The following WIZ variants were observed in gnomAD, a reference collection of about 807,000 sequenced individuals.
WIZ encodes WIZ zinc finger.
In WIZ, 25 loss-of-function variants were observed where a neutral mutation model predicts 140.2. The observed-to-expected ratio is 0.18, with a 90% CI of 0.13 to 0.25. The LOEUF (loss-of-function observed/expected upper bound fraction) is 0.25. Ranked by LOEUF, WIZ falls within the 10% of genes least tolerant of loss-of-function variation. The pLI is 1.00. For missense variants in WIZ, 2,231 were observed against 2,632.6 expected, an observed-to-expected ratio of 0.85 and a Z score of 3.34; for synonymous variants, 1,125 against 1,154.3, an observed-to-expected ratio of 0.97 and a Z score of 0.51.
rs557138190 is a variant in WIZ, at chr19:15,420,691, G to A, written c.*2385C>T. 2 of 152,306 alleles carry A rather than the reference G, an allele frequency of 1.3e-5. No individual in the cohort carries two copies. Among genetic ancestry groups the A allele is most frequent in the African/African-American group, 2.4e-5 (1 of 41,546 alleles). The allele number at this position is 152,306 out of a possible 1,614,324, so 9.4% of individuals were successfully genotyped here. ...AAAACATCCCCCTGCAAGAACTGGA[G>A]GTGACTCTTCCAAGGACACACATGA... is the stretch of plus-strand genomic sequence containing the variant. On this transcript the variant is annotated 3_prime_UTR_variant, in exon 13 of 13. Transcript: ENST00000673675.
Position 15,439,149 on chromosome 19 carries a change from T to G in WIZ, c.1845A>C (p.Glu615Asp), listed in dbSNP as rs762289083. Residue 615 changes from glutamate to aspartate, a missense_variant, in exon 4 of 13, where the codon GAA becomes GAC. Around this residue, in one of 15 missense-constraint regions of WIZ, gnomAD observed 475 missense variants for 520.2 expected, o/e 0.91. Transcript: ENST00000673675. This position sits in a 1 kb window ranked among gnomAD's most constrained non-coding sequence, Gnocchi z 7.0. The stretch of plus-strand genomic sequence containing the variant: ...CCTCCTCCTCCTCCTCCTCCTCCTC[T>G]TCGCTCCAAGGGCGCCTCCGTTCCC... ...GLGERRRPWS[E>D]EEEEEEEEED... 1.3e-6 allele frequency: 2 copies of G among 1,525,100 alleles called. No homozygotes were observed. Among genetic ancestry groups the G allele is most frequent in the Non-Finnish European group, 1.8e-6 (2 of 1,140,906 alleles). 94.5% of individuals were successfully genotyped at this position (1,525,100 alleles called of 1,614,324 possible).
Position 15,440,114 on chromosome 19 carries a change from G to A in WIZ, c.880C>T (p.Leu294=). The part of the protein sequence containing the change: ...IRTGPYLCEL[L]EEVAEGVASP... The stretch of plus-strand genomic sequence containing the variant: ...GCCACCCCTTCGGCCACCTCCTCCA[G>A]CAGCTCACACAGGTAGGGCCCGGTC... Residue 294 remains leucine, a synonymous_variant, in exon 4 of 13, where the codon CTG becomes TTG. Coordinates refer to ENST00000673675, the MANE Select transcript of WIZ (RefSeq NM_001371589.1). The surrounding 1 kb of genome is among the most constrained non-coding windows in gnomAD (Gnocchi z 6.2). 1 of 1,534,302 alleles carries A rather than the reference G, an allele frequency of 6.5e-7. No homozygotes were observed. The highest frequency in any genetic ancestry group is 8.7e-7 in the Non-Finnish European group (1 of 1,145,992).
rs762858631 is a variant in WIZ at position 15,424,821 on chromosome 19, C to T, written c.5106G>A (p.Lys1702=). The T allele has an allele frequency of 6.2e-7, 1 of 1,609,328 alleles. No individual in the cohort carries two copies. Among genetic ancestry groups the T allele is most frequent in the Non-Finnish European group, 8.5e-7 (1 of 1,178,680 alleles). ...SYIQGGRPFT[K]KFRSAGHGRD... ...GGCCATGGCCGGCACTGCGGAACTT[C>T]TTGGTGAAGGGGCGGCCGCCCTGGA... The change falls in exon 11 of 13, where the codon AAG becomes AAA. Residue 1702 remains lysine, a synonymous_variant. Transcript: ENST00000673675. This position sits in a 1 kb window ranked among gnomAD's most constrained non-coding sequence, Gnocchi z 9.7.
Position 15,424,520 on chromosome 19 carries a change from G to A in WIZ, c.5314+93C>T. ...TGAATGGGTAAGCAACTGGAGAAAG[G>A]ACTTAAGGGCCACAGCAGAGCGCCT... On this transcript the variant is annotated intron_variant, in intron 11 of 12. Transcript: ENST00000673675. This position sits in a 1 kb window ranked among gnomAD's most constrained non-coding sequence, Gnocchi z 9.7. 7 of 1,531,048 alleles carry A rather than the reference G, an allele frequency of 4.6e-6. No homozygotes were observed. The highest frequency in any genetic ancestry group is 6.1e-6 in the Non-Finnish European group (7 of 1,141,494). The allele number at this position is 1,531,048 out of a possible 1,614,324, so 94.8% of individuals were successfully genotyped here.
intron 9 of WIZ, 74 bp from the exon 10 acceptor site, chr19:15,425,842 AGGAGGAGGGAGGAGGGAGG>A: frequency 1.0e-4 from 1 of 9,574 alleles, no homozygotes; most frequent in Non-Finnish European, 1.7e-4. Context: ...AGGAGGGAGG[AGGAGGAGGGAGGAGGGAGG>A]AGGAGGAGGA....
rs753886544 is a variant in WIZ at position 15,439,569 on chromosome 19, G to A, written c.1425C>T (p.Ser475=). The A allele has an allele frequency of 1.1e-5, 17 of 1,494,202 alleles. No homozygotes were observed. The highest frequency in any genetic ancestry group is 1.7e-4 in the Middle Eastern group (1 of 5,782). The allele number at this position is 1,494,202 out of a possible 1,614,324, so 92.6% of individuals were successfully genotyped here. A position where few individuals can be genotyped will look rare whatever the true frequency, so the allele number is the denominator to read the frequency against. ...ACVFCGFPAP[S]ESLLREHVRL... Reference sequence around the variant, plus strand: ...TCACGTGCTCCCTGAGCAGGCTCTCGCTGGGCGCGGGGAAACCACAGAAGA... The same window carrying A: ...TCACGTGCTCCCTGAGCAGGCTCTCACTGGGCGCGGGGAAACCACAGAAGA... The change falls in exon 4 of 13, where the codon AGC becomes AGT. Residue 475 remains serine (S), a synonymous_variant. Transcript: ENST00000673675. The surrounding 1 kb of genome is among the most constrained non-coding windows in gnomAD (Gnocchi z 7.0).
At position 15,424,036 on chromosome 19, in the gene WIZ, T is replaced by C; in HGVS notation, c.5510+147A>G. 1.5e-6 allele frequency: 1 copy of C among 682,722 alleles called. No individual in the cohort carries two copies. The highest frequency in any genetic ancestry group is 2.3e-6 in the Non-Finnish European group (1 of 444,206). The allele number at this position is 682,722 out of a possible 1,614,324, so 42.3% of individuals were successfully genotyped here. ...CTCGCAGGCTACAAAGCTCAGGGTG[T>C]CAGCCTTTAGCCTGAGCCCCACCAC... On this transcript the variant is annotated intron_variant, in intron 12 of 12. Transcript: ENST00000673675. The surrounding 1 kb of genome is among the most constrained non-coding windows in gnomAD (Gnocchi z 9.7).
chr19:15,440,471 C>T lies in WIZ; in HGVS notation c.523G>A (p.Glu175Lys), dbSNP rs1181404703. Residue 175 changes from glutamate (E) to lysine (K), a missense_variant, in exon 4 of 13, where the codon GAG becomes AAG. Transcript: ENST00000673675. This position sits in a 1 kb window ranked among gnomAD's most constrained non-coding sequence, Gnocchi z 6.2. ...CTGGGGCGGCCCTGGGCATGTTTCTCCAAAAGCCTTGGTTCCCCCCGGTGG... is the reference window on the plus strand; with the variant it reads ...CTGGGGCGGCCCTGGGCATGTTTCTTCAAAAGCCTTGGTTCCCCCCGGTGG... ...LHHRGEPRLL[E>K]KHAQGRPRFD... 3 of 1,535,998 alleles carry T rather than the reference C, an allele frequency of 2.0e-6. No individual in the cohort carries two copies. The highest frequency in any genetic ancestry group is 1.2e-5 in the South Asian group (1 of 84,066).
Position 15,424,566 on chromosome 19 carries a change from T to G in WIZ, c.5314+47A>C, listed in dbSNP as rs773265966. ...CGCCTGGGGAGTGGCTGGGTGGGCC[T>G]GACAGGTGCCCGCTGCGCTCCCGAC... is the stretch of plus-strand genomic sequence containing the variant. On this transcript the variant is annotated intron_variant, in intron 11 of 12. Coordinates refer to ENST00000673675, the MANE Select transcript of WIZ (RefSeq NM_001371589.1). This position sits in a 1 kb window ranked among gnomAD's most constrained non-coding sequence, Gnocchi z 9.7. 1 of 1,546,080 alleles carries G rather than the reference T, an allele frequency of 6.5e-7. No individual in the cohort carries two copies. Among genetic ancestry groups the G allele is most frequent in the Non-Finnish European group, 8.7e-7 (1 of 1,152,734 alleles).
At chr19:15,448,652 C>A (rs190923942) in intron 1 of WIZ, among the ~76,000 whole-genome samples, 1 of 152,190 alleles carries the variant, frequency 6.6e-6, no homozygotes, top group African/African-American at 2.4e-5. Context: ...GCCACCTGGT[C>A]TTCTTCCATC....
Position 15,440,953 on chromosome 19 carries a change from G to A in WIZ, c.279-238C>T, listed in dbSNP as rs945537160. On this transcript the variant is annotated intron_variant, in intron 3 of 12. Coordinates refer to ENST00000673675, the MANE Select transcript of WIZ (RefSeq NM_001371589.1). The surrounding 1 kb of genome is among the most constrained non-coding windows in gnomAD (Gnocchi z 6.2). ...GCACCTGTCCACAAAGCCTAGCCCC[G>A]CTGCATTGTGGGGGAATGTACGGAG... Among the ~76,000 whole-genome samples the A allele has an allele frequency of 5.3e-5, 8 of 152,112 alleles. No individual in the cohort carries two copies. The highest frequency in any genetic ancestry group is 2.1e-4 in the South Asian group (1 of 4,820).
At chr19:15,441,662 G>A (rs112156575) in intron 3 of WIZ, among the ~76,000 whole-genome samples, 33 of 152,174 alleles carry the variant, frequency 2.2e-4, no homozygotes, top group Middle Eastern at 3.4e-3. Flanking sequence ...TGCCAATCAC[G>A]CTTATGGAAC....
Position 15,440,146 on chromosome 19 carries a change from G to T in WIZ, c.848C>A (p.Pro283Gln), listed in dbSNP as rs933857838. The stretch of plus-strand genomic sequence containing the variant: ...ACACAGGTAGGGCCCGGTCCGGATC[G>T]GGGGCAGTAGCGGCTGCAGCCGCTC... ...SVERLQPLLP[P>Q]IRTGPYLCEL... is the part of the protein sequence containing the mutation. The change falls in exon 4 of 13, where the codon CCG becomes CAG. Residue 283 changes from proline (P) to glutamine (Q), a missense_variant. By Grantham distance (76) the Pro-to-Gln change is moderately conservative (BLOSUM62 -1). This residue lies in a region of WIZ where 307 missense variants were observed against 294.1 expected (regional missense o/e 1.04). Transcript: ENST00000673675. The surrounding 1 kb of genome is among the most constrained non-coding windows in gnomAD (Gnocchi z 6.2). 1 of 1,532,404 alleles carries T rather than the reference G, an allele frequency of 6.5e-7. No homozygotes were observed. The allele number at this position is 1,532,404 out of a possible 1,614,324, so 94.9% of individuals were successfully genotyped here. A position where few individuals can be genotyped will look rare whatever the true frequency, so the allele number is the denominator to read the frequency against.
In WIZ at chr19:15,448,288, C is replaced by T. The variant is rs1364148206; in HGVS notation, c.20G>A (p.Gly7Asp). The change falls in exon 2 of 13, where the codon GGC (glycine) becomes GAC (aspartate). Residue 7 changes from glycine to aspartate, a missense_variant. Gly to Asp is a moderately conservative substitution (Grantham distance 94, BLOSUM62 -1). Coordinates refer to ENST00000673675, the MANE Select transcript of WIZ (RefSeq NM_001371589.1). MEGSLA[G>D]SLAAPDRPQG... ...GGGACGATCTGGTGCAGCCAGGCTG[C>T]CTGCCAGAGACCCCTCCATCGGATT... The T allele has an allele frequency of 2.5e-6, 4 of 1,612,680 alleles. No individual in the cohort carries two copies. Among genetic ancestry groups the T allele is most frequent in the African/African-American group, 2.7e-5 (2 of 74,904 alleles).
Position 15,448,163 on chromosome 19 carries a change from A to G in WIZ, c.145T>C (p.Tyr49His), listed in dbSNP as rs1969984375. 2 of 1,613,030 alleles carry G rather than the reference A, an allele frequency of 1.2e-6. No homozygotes were observed. Among genetic ancestry groups the G allele is most frequent in the South Asian group, 1.1e-5 (1 of 91,050 alleles). The change falls in exon 2 of 13, where the codon TAC (tyrosine) becomes CAC (histidine). Residue 49 changes from tyrosine to histidine, a missense_variant. Tyr to His is a moderately conservative substitution (Grantham distance 83). Around this residue, in one of 15 missense-constraint regions of WIZ, gnomAD observed 85 missense variants for 90.9 expected, o/e 0.94. Coordinates refer to ENST00000673675, the MANE Select transcript of WIZ (RefSeq NM_001371589.1). ...GGGCCCTCCTTGGTGACAGGCAGGT[A>G]ACGGGTGGACCGGAAGATGCCACCT... Reference protein sequence around the residue: ...GEGGIFRSTRYLPVTKEGPRD... With the variant: ...GEGGIFRSTRHLPVTKEGPRD...
intron 9 of WIZ, among the ~76,000 whole-genome samples, chr19:15,426,682 T>C (rs1968844742): frequency 6.6e-6 from 1 of 152,234 alleles, no homozygotes; most frequent in Non-Finnish European, 1.5e-5. Flanking sequence ...ATCCCCGCAG[T>C]CTTTCTCCCT....
At position 15,421,158 on chromosome 19, in the gene WIZ, GAA is replaced by G. The variant is rs925910708; in HGVS notation, c.*1916_*1917del. On this transcript the variant is annotated 3_prime_UTR_variant, in exon 13 of 13. Transcript: ENST00000673675. Reference sequence around the variant, plus strand: ...AATAAAAACTGACTTATGAAAAGTTGAAAGAGGAAGAAACACCTTTGAGTCAG... The same window carrying G: ...AATAAAAACTGACTTATGAAAAGTTGAGAGGAAGAAACACCTTTGAGTCAG... 2.0e-5 allele frequency: 3 copies of G among 152,374 alleles called. No individual in the cohort carries two copies. Among genetic ancestry groups the G allele is most frequent in the African/African-American group, 7.2e-5 (3 of 41,590 alleles). 9.4% of individuals were successfully genotyped at this position (152,374 alleles called of 1,614,324 possible). A position where few individuals can be genotyped will look rare whatever the true frequency, so the allele number is the denominator to read the frequency against.
At position 15,440,276 on chromosome 19, in the gene WIZ, G is replaced by C. The variant is rs1240005611; in HGVS notation, c.718C>G (p.Leu240Val). 1 of 1,491,098 alleles carries C rather than the reference G, an allele frequency of 6.7e-7. No individual in the cohort carries two copies. The highest frequency in any genetic ancestry group is 2.5e-5 in the East Asian group (1 of 40,568). 92.4% of individuals were successfully genotyped at this position (1,491,098 alleles called of 1,614,324 possible). The change falls in exon 4 of 13, where the codon CTG (leucine) becomes GTG (valine). Residue 240 changes from leucine to valine, a missense_variant. Physicochemically the swap from Leu to Val is conservative, Grantham distance 32 (BLOSUM62 1). Coordinates refer to ENST00000673675, the MANE Select transcript of WIZ (RefSeq NM_001371589.1). The surrounding 1 kb of genome is among the most constrained non-coding windows in gnomAD (Gnocchi z 6.2). ...TGGGCCAGCCCCTCCAGGTCCTCCA[G>C]ATCTTCTCTGCCACCCACCACCGCC... The part of the protein sequence containing the change: ...DMAVVGGRED[L>V]EDLEGLAQPS...
At position 15,429,563 on chromosome 19, in the gene WIZ, C is replaced by T. The variant is rs569585752; in HGVS notation, c.3415+23G>A. 1.3e-4 allele frequency: 174 copies of T among 1,344,250 alleles called. 1 individual carries two copies. The South Asian group carries it at 3.1e-3, about 24-fold the overall frequency. The allele number at this position is 1,344,250 out of a possible 1,614,324, so 83.3% of individuals were successfully genotyped here. A position where few individuals can be genotyped will look rare whatever the true frequency, so the allele number is the denominator to read the frequency against. ...ACCCTCCCAGCGCCAGAACCTCCCT[C>T]GGCTCTTGGGACCCACACTCACTGA... On this transcript the variant is annotated intron_variant, in intron 7 of 12. Transcript: ENST00000673675.
Sources: gnomAD v4.1 joint callset for allele counts (sites outside exome capture counted in the v4.1 genomes callset) on GRCh38, gnomAD v4.1.1 for gene constraint, gnomAD v4.1.1 regional missense constraint, Gnocchi (gnomAD v3.1) non-coding constraint, MANE v1.5 for transcripts, NCBI Gene and HGNC (gene_info 2026-07-23, HGNC 2026-07-21) for gene names.